The following RRAS2 variants were observed in gnomAD, a reference collection of about 807,000 sequenced individuals.
RRAS2 encodes ras-related protein R-Ras2.
A neutral mutation model predicts 27.6 loss-of-function variants in RRAS2; 7 were observed. That is an observed-to-expected ratio of 0.25 (90% confidence interval 0.14 to 0.48). The LOEUF is 0.48. Ranked by LOEUF, RRAS2 falls within the 20% of genes least tolerant of loss-of-function variation. The probability of loss-of-function intolerance (pLI) is 0.99; values close to 1 mark genes in which losing one functional copy is unlikely to be tolerated. For missense variants in RRAS2, 178 were observed against 256.2 expected (o/e 0.69, Z 2.08); for synonymous variants, 86 against 90.9 (o/e 0.95, Z 0.31).
chr11:14,314,547 A>G (rs1848050718), intron 1 of RRAS2, among the ~76,000 whole-genome samples: 1 of 152,234 alleles, frequency 6.6e-6, no homozygotes, highest in African/African-American at 2.4e-5. Flanking sequence ...TTTTTCAAAA[A>G]ATAATTATCA....
chr11:14,316,864 G>A (rs1290317743), intron 1 of RRAS2, among the ~76,000 whole-genome samples: 1 of 152,148 alleles, frequency 6.6e-6, no homozygotes, highest in Non-Finnish European at 1.5e-5. Flanking sequence ...TGAGACATTG[G>A]AAATAACAAA....
intron 4 of RRAS2, among the ~76,000 whole-genome samples, chr11:14,282,104 G>C (rs1554944410): frequency 1.3e-5 from 2 of 152,200 alleles, no homozygotes; most frequent in Non-Finnish European, 2.9e-5. Flanking sequence ...GTATGGAGTT[G>C]AGGGGTGGAG....
At chr11:14,344,602 T>G (rs1848789580) in intron 1 of RRAS2, among the ~76,000 whole-genome samples, 1 of 152,208 alleles carries the variant, frequency 6.6e-6, no homozygotes, top group African/African-American at 2.4e-5. Context: ...TCGCATCTTT[T>G]GACTACTGAA....
At chr11:14,304,320 T>C (rs986597323) in intron 1 of RRAS2, among the ~76,000 whole-genome samples, 3 of 152,180 alleles carry the variant, frequency 2.0e-5, no homozygotes, top group African/African-American at 4.8e-5. Context: ...ACACCAAACA[T>C]ACAACATACT....
intron 1 of RRAS2, among the ~76,000 whole-genome samples, chr11:14,344,065 C>A (rs1373375494): frequency 6.6e-6 from 1 of 152,016 alleles, no homozygotes; most frequent in Non-Finnish European, 1.5e-5. Flanking sequence ...ATCACTTAAG[C>A]CGGGGACATC....
At chr11:14,332,614 T>C (rs1001033641) in intron 1 of RRAS2, among the ~76,000 whole-genome samples, 1 of 152,166 alleles carries the variant, frequency 6.6e-6, no homozygotes, top group East Asian at 1.9e-4. Flanking sequence ...AAAGAGTACA[T>C]ACTGTATATT....
At chr11:14,289,074 C>T (rs1453335377) in intron 4 of RRAS2, among the ~76,000 whole-genome samples, 4 of 152,122 alleles carry the variant, frequency 2.6e-5, no homozygotes, top group South Asian at 2.1e-4. Context: ...CCCTTTTAGA[C>T]GCACATAAGG....
intron 1 of RRAS2, among the ~76,000 whole-genome samples, chr11:14,333,781 C>T (rs1169675840): frequency 2.0e-5 from 3 of 152,016 alleles, no homozygotes; most frequent in African/African-American, 7.3e-5. Flanking sequence ...GTAGCTGCAA[C>T]CACGGGCACG....
intron 1 of RRAS2, among the ~76,000 whole-genome samples, chr11:14,304,439 C>T (rs1554947837): frequency 6.6e-6 from 1 of 152,236 alleles, no homozygotes; most frequent in African/African-American, 2.4e-5. Context: ...AGGCTACCCA[C>T]TATGCAAGTT....
At chr11:14,338,935 G>A (rs782199718) in intron 1 of RRAS2, among the ~76,000 whole-genome samples, 3 of 152,038 alleles carry the variant, frequency 2.0e-5, no homozygotes, top group Admixed American at 6.6e-5. Flanking sequence ...GACGCCATCT[G>A]TTTGGACTGA....
At position 14,358,988 on chromosome 11, in the gene RRAS2, C is replaced by T. The variant is rs997207680; in HGVS notation, c.-118G>A. ...CGGGCGAGCGGCCGGGCTGGGGTCC[C>T]GGGTACCGGGAGGCGTCTGGAGGGC... On this transcript the variant is annotated 5_prime_UTR_variant, in exon 1 of 6. Transcript: ENST00000256196. This position sits in a 1 kb window ranked among gnomAD's most constrained non-coding sequence, Gnocchi z 5.1. 19 of 1,141,012 alleles carry T rather than the reference C, an allele frequency of 1.7e-5. No individual in the cohort carries two copies. The African/African-American group carries it at 3.0e-4, about 18-fold the overall frequency. 70.7% of individuals were successfully genotyped at this position (1,141,012 alleles called of 1,614,324 possible). A position where few individuals can be genotyped will look rare whatever the true frequency, so the allele number is the denominator to read the frequency against.
At chr11:14,297,992 T>TA (rs141304907) in intron 1 of RRAS2, among the ~76,000 whole-genome samples, 62,153 of 143,312 alleles carry the variant, frequency 0.43, 13,758 homozygotes, top group East Asian at 0.55. Flanking sequence ...TAACTAGCCT[T>TA]AAAAAAAAAA....
In RRAS2 at chr11:14,358,748, G is replaced by T; in HGVS notation, c.108+15C>A. 2 of 1,387,098 alleles carry T rather than the reference G, an allele frequency of 1.4e-6. No individual in the cohort carries two copies. The highest frequency in any genetic ancestry group is 9.5e-7 in the Non-Finnish European group (1 of 1,056,644). The allele number at this position is 1,387,098 out of a possible 1,614,324, so 85.9% of individuals were successfully genotyped here. On this transcript the variant is annotated intron_variant, in intron 1 of 5. Coordinates refer to ENST00000256196, the MANE Select transcript of RRAS2 (RefSeq NM_012250.6). This position sits in a 1 kb window ranked among gnomAD's most constrained non-coding sequence, Gnocchi z 5.1. ...GCCGCCGCTCCGGCGCCCCGGGCAG[G>T]CCCGCTCCAGGTACCTGGATGAACT...
intron 1 of RRAS2, among the ~76,000 whole-genome samples, chr11:14,320,618 CT>C (rs1848201406): frequency 6.6e-6 from 1 of 152,094 alleles, no homozygotes; most frequent in African/African-American, 2.4e-5. Flanking sequence ...TTATTTGTTG[CT>C]TTTAGAAAAG....
Position 14,294,467 on chromosome 11 carries a change from T to A in RRAS2, c.408+4A>T. 1 of 1,551,646 alleles carries A rather than the reference T, an allele frequency of 6.4e-7. No individual in the cohort carries two copies. The highest frequency in any genetic ancestry group is 8.8e-7 in the Non-Finnish European group (1 of 1,141,448). On this transcript the variant is annotated splice_donor_region_variant and intron_variant, in intron 4 of 5. Transcript: ENST00000256196. ...GGTTTCCCAACAGTGAAATTCCTTC[T>A]CACCTGTCTTTGATGATCCAGATCT...
upstream of RRAS2, among the ~76,000 whole-genome samples, chr11:14,362,472 A>G (rs919718923): frequency 2.7e-5 from 4 of 148,456 alleles, no homozygotes; most frequent in Non-Finnish European, 5.9e-5. Flanking sequence ...CATACAGCAG[A>G]AAGAAACTTC....
At chr11:14,356,019 T>C (rs1331437438) in intron 1 of RRAS2, among the ~76,000 whole-genome samples, 1 of 152,214 alleles carries the variant, frequency 6.6e-6, no homozygotes, top group Non-Finnish European at 1.5e-5. Flanking sequence ...TACTAGACAC[T>C]GTTCTAAGCC....
At chr11:14,352,510 C>A (rs1016369584) in intron 1 of RRAS2, among the ~76,000 whole-genome samples, 16 of 152,002 alleles carry the variant, frequency 1.1e-4, no homozygotes, top group Admixed American at 5.2e-4. Context: ...GCAGCTCTGC[C>A]CAAAGTAATT....
chr11:14,356,694 T>C, intron 1 of RRAS2: 1 of 431,920 alleles, frequency 2.3e-6, no homozygotes, highest in South Asian at 1.7e-5. Flanking sequence ...ACCTGCTTCC[T>C]TTACTTCTTT....
Sources: allele counts gnomAD v4.1 joint callset (sites outside exome capture counted in the v4.1 genomes callset), GRCh38; gene constraint gnomAD v4.1.1; non-coding constraint Gnocchi (gnomAD v3.1); transcripts MANE v1.5; gene names NCBI Gene and HGNC (gene_info 2026-07-23, HGNC 2026-07-21).